The following CALCR variants were observed in gnomAD, a reference collection of about 807,000 sequenced individuals.
The protein encoded by CALCR is calcitonin receptor.
CALCR carries 47 observed loss-of-function variants against 59.5 expected under a neutral mutation model. That is an observed-to-expected ratio of 0.79 (90% confidence interval 0.63 to 1.01). The LOEUF (loss-of-function observed/expected upper bound fraction) is 1.01. Ranked by LOEUF, CALCR falls within the 50% of genes least tolerant of loss-of-function variation. The probability of loss-of-function intolerance (pLI) is 0.00; values close to 1 mark genes in which losing one functional copy is unlikely to be tolerated. For synonymous variants in CALCR, 213 were observed against 211.3 expected, an observed-to-expected ratio of 1.01 and a Z score of -0.07; for missense variants, 566 against 597.1, an observed-to-expected ratio of 0.95 and a Z score of 0.54.
rs1800093926 is a variant in CALCR, at chr7:93,450,825, G to C, written c.649-7068C>G. 2.0e-5 allele frequency among the ~76,000 whole-genome samples: 3 copies of C among 151,898 alleles called. No homozygotes were observed. In the South Asian group the frequency reaches 6.2e-4, roughly 31 times the overall value. ...TTATTTTTAATCAATTTCAGATAAT[G>C]AACCACTGTAATATATACCCTGTAA... On this transcript the variant is annotated intron_variant, in intron 8 of 13. Transcript: ENST00000426151.
intron 5 of CALCR, among the ~76,000 whole-genome samples, chr7:93,476,063 T>C (rs1246122689): frequency 6.6e-6 from 1 of 151,786 alleles, no homozygotes; most frequent in Non-Finnish European, 1.5e-5. Context: ...GTCAGGCATC[T>C]GCATTTTTCA....
intron 4 of CALCR, among the ~76,000 whole-genome samples, chr7:93,478,150 C>A (rs1800710576): frequency 6.6e-6 from 1 of 151,838 alleles, no homozygotes; most frequent in Non-Finnish European, 1.5e-5. Context: ...TATTGTCTCA[C>A]TGGCTTCAAC....
At chr7:93,528,646 A>G (rs527315911) in intron 2 of CALCR, among the ~76,000 whole-genome samples, 1 of 152,354 alleles carries the variant, frequency 6.6e-6, no homozygotes, top group East Asian at 1.9e-4. Flanking sequence ...ATTTTATTCA[A>G]AAATGTAATA....
intron 7 of CALCR, chr7:93,462,164 C>A: frequency 1.1e-6 from 1 of 939,058 alleles, no homozygotes; most frequent in Non-Finnish European, 1.6e-6. Context: ...CATATTTTAA[C>A]TATTATAGTT....
intron 13 of CALCR, among the ~76,000 whole-genome samples, chr7:93,430,635 C>A (rs1219796066): frequency 6.6e-6 from 1 of 152,188 alleles, no homozygotes; most frequent in African/African-American, 2.4e-5. Context: ...AAGTCAAGGT[C>A]ATCCACTGCT....
chr7:93,451,621 G>A (rs1258984552), intron 8 of CALCR, among the ~76,000 whole-genome samples: 1 of 151,968 alleles, frequency 6.6e-6, no homozygotes, highest in Non-Finnish European at 1.5e-5. Flanking sequence ...ACTTCATGGG[G>A]TCATCACACA....
chr7:93,479,666 A>G (rs753605179), intron 3 of CALCR, among the ~76,000 whole-genome samples, 159 bp from the exon 4 acceptor site: 19 of 151,878 alleles, frequency 1.3e-4, no homozygotes, highest in East Asian at 1.9e-4. Context: ...ATTACAAAAA[A>G]TGTTTTCACA....
intron 6 of CALCR, among the ~76,000 whole-genome samples, chr7:93,471,658 ATTGACCAACTGTAACTCC>A (rs1800556196): frequency 6.6e-6 from 1 of 151,780 alleles, no homozygotes; most frequent in South Asian, 2.1e-4. Context: ...ACAGCTAAAC[ATTGACCAACTGTAACTCC>A]TTGTTCTGTA....
At chr7:93,573,797 T>C (rs888532991) in intron 2 of CALCR, among the ~76,000 whole-genome samples, 4 of 152,218 alleles carry the variant, frequency 2.6e-5, no homozygotes, top group African/African-American at 7.2e-5. Context: ...TAAATGATTG[T>C]TGGAAAACTA....
In CALCR at chr7:93,424,678, A is replaced by G. The variant is rs1343788395; in HGVS notation, c.*1678T>C. 6.6e-6 allele frequency: 1 copy of G among 152,592 alleles called. No homozygotes were observed. The highest frequency in any genetic ancestry group is 2.1e-4 in the South Asian group (1 of 4,814). The allele number at this position is 152,592 out of a possible 1,614,324, so 9.5% of individuals were successfully genotyped here. ...ACCCCTACTATATTAGCATAATAAC[A>G]TCTAAAATATTTTAGCAATATATTA... On this transcript the variant is annotated 3_prime_UTR_variant, in exon 14 of 14. Transcript: ENST00000426151.
intron 2 of CALCR, among the ~76,000 whole-genome samples, chr7:93,498,098 C>T (rs942844390): frequency 6.6e-6 from 1 of 151,614 alleles, no homozygotes; most frequent in Non-Finnish European, 1.5e-5. Flanking sequence ...TTTAATTATA[C>T]TTGCTAATGG....
intron 8 of CALCR, among the ~76,000 whole-genome samples, chr7:93,454,298 G>A (rs986092620): frequency 2.6e-5 from 4 of 151,714 alleles, no homozygotes; most frequent in Non-Finnish European, 5.9e-5. Context: ...TGGCTCAATC[G>A]TTCTGAAAAA....
chr7:93,565,335 A>T (rs994639283), intron 2 of CALCR, among the ~76,000 whole-genome samples: 2 of 152,254 alleles, frequency 1.3e-5, no homozygotes, highest in African/African-American at 4.8e-5. Flanking sequence ...AATGCTAGAG[A>T]TGCCTCTTTA....
At chr7:93,460,597 A>ATATATATATGTG (rs1554397851) in intron 8 of CALCR, among the ~76,000 whole-genome samples, 31 of 133,764 alleles carry the variant, frequency 2.3e-4, no homozygotes, top group African/African-American at 9.4e-4. Flanking sequence ...ATATATGTAT[A>ATATATATATGTG]TATATATATA....
intron 2 of CALCR, among the ~76,000 whole-genome samples, chr7:93,560,895 T>C (rs1321524165): frequency 1.3e-5 from 2 of 152,200 alleles, no homozygotes; most frequent in East Asian, 3.8e-4. Context: ...TAACTCATGC[T>C]TTAATCTGAG....
Position 93,460,895 on chromosome 7 carries a change from T to C in CALCR, c.574A>G (p.Ile192Val), listed in dbSNP as rs759872233. The C allele has an allele frequency of 2.5e-6, 4 of 1,611,784 alleles. No individual in the cohort carries two copies. The South Asian group carries it at 3.3e-5, about 13-fold the overall frequency. ...TLHKNMFLTYILNSMIIIIHL... is the reference protein window; with the variant it reads ...TLHKNMFLTYVLNSMIIIIHL... ...ATGATGATAATCATAGAATTCAGAA[T>C]GTAAGTAAGAAACATGTTCTTGTGC... The change falls in exon 8 of 14, where the codon ATT becomes GTT. Residue 192 changes from isoleucine (I) to valine (V), a missense_variant. Physicochemically the swap from Ile to Val is conservative, Grantham distance 29 (BLOSUM62 3). Transcript: ENST00000426151.
intron 2 of CALCR, among the ~76,000 whole-genome samples, chr7:93,571,383 T>A (rs2116295912): frequency 6.6e-6 from 1 of 152,254 alleles, no homozygotes; most frequent in South Asian, 2.1e-4. Context: ...AAAAATTTTT[T>A]TGAATGAATG....
intron 2 of CALCR, among the ~76,000 whole-genome samples, chr7:93,490,088 G>C (rs1801040725): frequency 6.6e-6 from 1 of 151,998 alleles, no homozygotes; most frequent in Middle Eastern, 3.4e-3. Flanking sequence ...ATCCTGAGAT[G>C]CAAGTCTGGT....
intron 13 of CALCR, among the ~76,000 whole-genome samples, chr7:93,427,905 C>A (rs982928523): frequency 6.8e-6 from 1 of 147,964 alleles, no homozygotes; most frequent in South Asian, 2.3e-4. Context: ...GCACAGCAAC[C>A]GTAAGGTTCG....
Sources: allele counts gnomAD v4.1 joint callset (sites outside exome capture counted in the v4.1 genomes callset), GRCh38; gene constraint gnomAD v4.1.1; transcripts MANE v1.5; gene names NCBI Gene and HGNC (gene_info 2026-07-23, HGNC 2026-07-21).